SPPL2A: variants seen among roughly 807,000 people sequenced by gnomAD.
The protein encoded by SPPL2A is signal peptide peptidase-like 2A.
Under a neutral mutation model 63.8 loss-of-function variants are expected in SPPL2A, and 51 were observed. The observed-to-expected ratio is 0.80, with a 90% CI of 0.64 to 1.01. The LOEUF (loss-of-function observed/expected upper bound fraction) is 1.01, where lower values mean the gene tolerates loss of function less well. SPPL2A is among the 50% of genes least tolerant of loss of function. The probability of loss-of-function intolerance (pLI) is 0.00; values close to 1 mark genes in which losing one functional copy is unlikely to be tolerated. For synonymous variants in SPPL2A, 188 were observed against 205.8 expected (o/e 0.91, Z 0.74); for missense variants, 553 against 622.7 (o/e 0.89, Z 1.19).
At chr15:50,735,467 T>C (rs1204528173) in intron 8 of SPPL2A, among the ~76,000 whole-genome samples, 5 of 151,986 alleles carry the variant, frequency 3.3e-5, no homozygotes, top group Admixed American at 3.3e-4. Context: ...CACTCAACTG[T>C]GTGGCTATAC....
chr15:50,758,998 A>T (rs1285587195), intron 1 of SPPL2A, among the ~76,000 whole-genome samples: 2 of 151,850 alleles, frequency 1.3e-5, no homozygotes, highest in African/African-American at 2.4e-5. Flanking sequence ...GCTGCCTTCA[A>T]CTCCTGGGTG....
At chr15:50,758,917 T>C (rs1222930250) in intron 1 of SPPL2A, among the ~76,000 whole-genome samples, 1 of 151,824 alleles carries the variant, frequency 6.6e-6, no homozygotes, top group African/African-American at 2.4e-5. Context: ...TATCTATCTA[T>C]CTATCTATCT....
At chr15:50,740,574 T>C (rs1174036907) in intron 5 of SPPL2A, among the ~76,000 whole-genome samples, 1 of 152,126 alleles carries the variant, frequency 6.6e-6, no homozygotes, top group African/African-American at 2.4e-5. Context: ...ACAAACTTAC[T>C]ATTATCAACT....
intron 5 of SPPL2A, among the ~76,000 whole-genome samples, chr15:50,744,170 C>T (rs1446367024): frequency 6.9e-6 from 1 of 145,950 alleles, no homozygotes; most frequent in Non-Finnish European, 1.5e-5. Flanking sequence ...CAGAGTGAGA[C>T]TCCATCTCAA....
At chr15:50,759,076 G>GT (rs1251009382) in intron 1 of SPPL2A, among the ~76,000 whole-genome samples, 4 of 151,882 alleles carry the variant, frequency 2.6e-5, no homozygotes. Context: ...AATTTATAAA[G>GT]TTTTTTTAAA....
At chr15:50,763,579 C>A (rs2063031223) in intron 1 of SPPL2A, among the ~76,000 whole-genome samples, 1 of 152,144 alleles carries the variant, frequency 6.6e-6, no homozygotes, top group African/African-American at 2.4e-5. Flanking sequence ...TGGTGAGGTA[C>A]AACAAAGCAC....
intron 14 of SPPL2A, among the ~76,000 whole-genome samples, chr15:50,718,011 C>T (rs926971646): frequency 1.5e-5 from 2 of 136,570 alleles, no homozygotes; most frequent in Non-Finnish European, 3.1e-5. Flanking sequence ...TTGCTCTGTC[C>T]CCCAGGCTGG....
At chr15:50,725,923 C>T (rs1260066015) in intron 11 of SPPL2A, 1 of 317,832 alleles carries the variant, frequency 3.1e-6, no homozygotes, top group African/African-American at 2.2e-5. Flanking sequence ...TTTCTCTTTA[C>T]CAAGGATAGA....
At chr15:50,763,661 G>A (rs1447214452) in intron 1 of SPPL2A, among the ~76,000 whole-genome samples, 1 of 152,216 alleles carries the variant, frequency 6.6e-6, no homozygotes, top group African/African-American at 2.4e-5. Flanking sequence ...CACTTTGGGA[G>A]GCCGAGGAGG....
At chr15:50,759,482 G>C (rs1039451724) in intron 1 of SPPL2A, among the ~76,000 whole-genome samples, 1 of 152,028 alleles carries the variant, frequency 6.6e-6, no homozygotes, top group Admixed American at 6.6e-5. Flanking sequence ...AGTGGCTCAC[G>C]CCTGTAATCC....
In SPPL2A at chr15:50,726,045, A is replaced by G. The variant is rs898922600; in HGVS notation, c.1146+276T>C. The G allele has an allele frequency of 2.2e-6, 3 of 1,379,790 alleles. No homozygotes were observed. The African/African-American group carries it at 4.3e-5, about 20-fold the overall frequency. 85.5% of individuals were successfully genotyped at this position (1,379,790 alleles called of 1,614,324 possible). ...CTCAGAGGGTATGATTTAAAGTCCA[A>G]TGAACATATCTAAAATACAATCCTT... is the stretch of plus-strand genomic sequence containing the variant. On this transcript the variant is annotated intron_variant, in intron 11 of 14. Transcript: ENST00000261854.
rs751528534 is a variant in SPPL2A at position 50,722,106 on chromosome 15, A to C, written c.1327+18T>G. 6 of 1,413,580 alleles carry C rather than the reference A, an allele frequency of 4.2e-6. No homozygotes were observed. In the Admixed American group the frequency reaches 8.5e-5, roughly 20 times the overall value. The allele number at this position is 1,413,580 out of a possible 1,614,324, so 87.6% of individuals were successfully genotyped here. On this transcript the variant is annotated intron_variant, in intron 13 of 14. Coordinates refer to ENST00000261854, the MANE Select transcript of SPPL2A (RefSeq NM_032802.4). ...CAATACAATTCAACATTTAATACAA[A>C]GAAAAACAAAAATTTACCAACTGTA...
At chr15:50,751,064 A>G (rs1006621635) in intron 1 of SPPL2A, among the ~76,000 whole-genome samples, 2 of 152,224 alleles carry the variant, frequency 1.3e-5, no homozygotes, top group African/African-American at 4.8e-5. Flanking sequence ...ATTTTGGATT[A>G]GAGGGTTTAT....
intron 1 of SPPL2A, 37 bp downstream of exon 1, chr15:50,765,431 G>A: frequency 6.8e-7 from 1 of 1,480,484 alleles, no homozygotes; most frequent in East Asian, 2.7e-5. Flanking sequence ...GCCCCGCCCA[G>A]CCCCTGGGAG....
intron 8 of SPPL2A, among the ~76,000 whole-genome samples, chr15:50,734,351 G>A (rs909053011): frequency 3.9e-5 from 6 of 152,120 alleles, no homozygotes; most frequent in Admixed American, 1.3e-4. Flanking sequence ...ATGAAGTCTT[G>A]TCATTTGCAA....
chr15:50,727,367 T>C (rs935274314), intron 10 of SPPL2A, among the ~76,000 whole-genome samples: 1 of 152,196 alleles, frequency 6.6e-6, no homozygotes, highest in African/African-American at 2.4e-5. Context: ...CTTCTGCGCA[T>C]GTTAAGCTTT....
chr15:50,745,792 T>A (rs2062852914), intron 5 of SPPL2A, among the ~76,000 whole-genome samples: 1 of 152,078 alleles, frequency 6.6e-6, no homozygotes. Context: ...AGCTCACGCC[T>A]GTAATCCCAA....
intron 1 of SPPL2A, among the ~76,000 whole-genome samples, chr15:50,758,063 T>C (rs1029109905): frequency 1.2e-4 from 18 of 144,762 alleles, no homozygotes; most frequent in African/African-American, 4.4e-4. Flanking sequence ...CTGAGGTGGG[T>C]GGATCACGAG....
rs2062519645 is a variant in SPPL2A at position 50,707,489 on chromosome 15, G to T, written c.*311C>A. On this transcript the variant is annotated 3_prime_UTR_variant, in exon 15 of 15. Transcript: ENST00000261854. ...CTTGTATCTACCATCAGAGCTGAAA[G>T]AAACAGATTTCGTTAAAAAAAAGTA... 4.6e-6 allele frequency: 1 copy of T among 219,428 alleles called. No homozygotes were observed. The highest frequency in any genetic ancestry group is 2.3e-5 in the African/African-American group (1 of 43,914). The allele number at this position is 219,428 out of a possible 1,614,324, so 13.6% of individuals were successfully genotyped here. A position where few individuals can be genotyped will look rare whatever the true frequency, so the allele number is the denominator to read the frequency against.
Sources: gnomAD v4.1 joint callset for allele counts (sites outside exome capture counted in the v4.1 genomes callset) on GRCh38, gnomAD v4.1.1 for gene constraint, MANE v1.5 for transcripts, NCBI Gene and HGNC (gene_info 2026-07-23, HGNC 2026-07-21) for gene names.